Variants in DLGAP2 observed in about 807,000 individuals in gnomAD.
DLGAP2 encodes DLG associated protein 2.
In DLGAP2, 26 loss-of-function variants were observed where a neutral mutation model predicts 100.3. That is an observed-to-expected ratio of 0.26 (90% confidence interval 0.19 to 0.36). The LOEUF (loss-of-function observed/expected upper bound fraction) is 0.36. DLGAP2 is among the 10% of genes least tolerant of loss of function. The pLI, the probability that DLGAP2 is intolerant of heterozygous loss-of-function variation, is 1.00. For missense variants in DLGAP2, 1,858 were observed against 1,453.2 expected, an observed-to-expected ratio of 1.28 and a Z score of -4.53; for synonymous variants, 886 against 630.1, an observed-to-expected ratio of 1.41 and a Z score of -6.08.
At chr8:1,518,918 C>T (rs1800489039) in intron 4 of DLGAP2, among the ~76,000 whole-genome samples, 1 of 152,340 alleles carries the variant, frequency 6.6e-6, no homozygotes, top group East Asian at 1.9e-4. Flanking sequence ...GCCCGTGCTT[C>T]TCCCTCTGCG....
At chr8:883,551 T>C (rs575858032) in intron 1 of DLGAP2, among the ~76,000 whole-genome samples, 9 of 151,316 alleles carry the variant, frequency 5.9e-5, no homozygotes, top group African/African-American at 1.9e-4. Flanking sequence ...GTACAGAATG[T>C]GCAGGTTTGT....
chr8:1,229,322 G>A (rs185414417), intron 2 of DLGAP2, among the ~76,000 whole-genome samples: 15 of 151,304 alleles, frequency 9.9e-5, no homozygotes, highest in African/African-American at 3.4e-4. Flanking sequence ...CTTTTTGTAC[G>A]TCTGGTGGAA....
intron 3 of DLGAP2, among the ~76,000 whole-genome samples, chr8:1,421,231 A>C (rs1018443478): frequency 6.6e-6 from 1 of 152,204 alleles, no homozygotes; most frequent in African/African-American, 2.4e-5. Flanking sequence ...TGTGTGTGTG[A>C]GAGCTGCTGT....
chr8:986,976 T>A lies in DLGAP2; in HGVS notation c.73+79010T>A, dbSNP rs1800505781. Reference sequence around the variant, plus strand: ...CACCTGGCCCCTTGATTTTTAGTAATGTGGTATCATTTAATGTATACAGTA... The same window carrying A: ...CACCTGGCCCCTTGATTTTTAGTAAAGTGGTATCATTTAATGTATACAGTA... On this transcript the variant is annotated intron_variant, in intron 2 of 14. Coordinates refer to ENST00000637795, the MANE Select transcript of DLGAP2 (RefSeq NM_001346810.2). Among the ~76,000 whole-genome samples, 4 of 152,140 alleles carry A rather than the reference T, an allele frequency of 2.6e-5. No homozygotes were observed. In the South Asian group the frequency reaches 8.3e-4, roughly 32 times the overall value.
chr8:1,623,454 C>T (rs574969242), intron 6 of DLGAP2, among the ~76,000 whole-genome samples: 36 of 151,368 alleles, frequency 2.4e-4, no homozygotes, highest in African/African-American at 7.8e-4. Flanking sequence ...CATGACCTGA[C>T]ACCAGCGCGC....
chr8:764,668 C>T (rs1386354909), intron 1 of DLGAP2, among the ~76,000 whole-genome samples: 2 of 152,168 alleles, frequency 1.3e-5, no homozygotes, highest in Non-Finnish European at 2.9e-5. Context: ...TCAGTAACCT[C>T]TACCGTAAGT....
chr8:1,453,278 A>T (rs1798213712), intron 3 of DLGAP2, among the ~76,000 whole-genome samples: 1 of 152,170 alleles, frequency 6.6e-6, no homozygotes, highest in African/African-American at 2.4e-5. Context: ...GGGGAGAAGC[A>T]GGAGGAGCCT....
At chr8:1,286,199 G>T (rs527986429) in intron 3 of DLGAP2, among the ~76,000 whole-genome samples, 75 of 152,286 alleles carry the variant, frequency 4.9e-4, no homozygotes, top group Middle Eastern at 3.4e-3. Flanking sequence ...GTCCCCCTTT[G>T]CTTGGCACTC....
At chr8:1,240,048 A>C (rs1421473500) in intron 2 of DLGAP2, among the ~76,000 whole-genome samples, 3 of 150,318 alleles carry the variant, frequency 2.0e-5, no homozygotes, top group East Asian at 2.0e-4. Flanking sequence ...TAGTTCTCTC[A>C]CATGGCGCCG....
intron 2 of DLGAP2, among the ~76,000 whole-genome samples, chr8:1,227,079 C>T (rs1250532172): frequency 1.4e-5 from 2 of 140,652 alleles, no homozygotes; most frequent in Non-Finnish European, 3.0e-5. Flanking sequence ...TTCATTGCAG[C>T]GTATTTCACA....
chr8:1,413,449 C>G (rs1442936593), intron 3 of DLGAP2, among the ~76,000 whole-genome samples: 1 of 152,068 alleles, frequency 6.6e-6, no homozygotes, highest in African/African-American at 2.4e-5. Flanking sequence ...AATTTAAGGG[C>G]AAGCAAAAGT....
At chr8:1,662,139 A>G (rs774382300) in intron 8 of DLGAP2, among the ~76,000 whole-genome samples, 3 of 152,248 alleles carry the variant, frequency 2.0e-5, no homozygotes, top group Admixed American at 6.5e-5. Flanking sequence ...CACCTTTCCT[A>G]TGAACCAGGA....
chr8:1,380,049 C>G (rs1038123798), intron 3 of DLGAP2: 1 of 152,246 alleles, frequency 6.6e-6, no homozygotes, highest in Non-Finnish European at 1.5e-5. Context: ...GATGCCTGCT[C>G]TGCCCACTGC....
At chr8:813,638 G>C (rs2132674039) in intron 1 of DLGAP2, among the ~76,000 whole-genome samples, 1 of 152,294 alleles carries the variant, frequency 6.6e-6, no homozygotes, top group South Asian at 2.1e-4. Context: ...GACACTCGCT[G>C]ATGCTGCTGG....
At chr8:1,696,961 C>G (rs1799413295) in intron 13 of DLGAP2, among the ~76,000 whole-genome samples, 186 bp from the exon 14 acceptor site, 1 of 152,250 alleles carries the variant, frequency 6.6e-6, no homozygotes, top group Non-Finnish European at 1.5e-5. Context: ...AGGCCGACAG[C>G]AAATACGTGT....
intron 2 of DLGAP2, among the ~76,000 whole-genome samples, chr8:1,191,464 C>T (rs1797638147): frequency 6.6e-6 from 1 of 152,178 alleles, no homozygotes; most frequent in South Asian, 2.1e-4. Context: ...GCCACCGCGC[C>T]CAGCCGATAC....
At chr8:839,370 A>G (rs1361902924) in intron 1 of DLGAP2, among the ~76,000 whole-genome samples, 12 of 152,248 alleles carry the variant, frequency 7.9e-5, no homozygotes, top group Admixed American at 7.8e-4. Flanking sequence ...ATGTGCTGAT[A>G]TAGATGCACA....
intron 3 of DLGAP2, among the ~76,000 whole-genome samples, chr8:1,298,171 G>A (rs1042482878): frequency 2.6e-5 from 4 of 151,902 alleles, no homozygotes; most frequent in East Asian, 1.9e-4. Context: ...ATGCATGAAC[G>A]GAGAAATGTG....
At chr8:1,190,488 T>G (rs920856506) in intron 2 of DLGAP2, among the ~76,000 whole-genome samples, 24 of 152,066 alleles carry the variant, frequency 1.6e-4, no homozygotes, top group African/African-American at 5.8e-4. Flanking sequence ...GGGCAATCTT[T>G]CCCGGCAGCA....
Sources: allele counts gnomAD v4.1 joint callset (sites outside exome capture counted in the v4.1 genomes callset), GRCh38; gene constraint gnomAD v4.1.1; transcripts MANE v1.5; gene names NCBI Gene and HGNC (gene_info 2026-07-23, HGNC 2026-07-21).